The following RGS9 variants were observed in gnomAD, a reference collection of about 807,000 sequenced individuals.
RGS9 encodes the protein regulator of G-protein signalling 9.
RGS9 carries 78 observed loss-of-function variants against 102.0 expected under a neutral mutation model. The ratio of observed to expected loss-of-function variants is 0.76; its 90% CI spans 0.64 to 0.92. RGS9 has a LOEUF of 0.92. RGS9 is among the 40% of genes least tolerant of loss of function. The probability of loss-of-function intolerance (pLI) is 0.00; values close to 1 mark genes in which losing one functional copy is unlikely to be tolerated. For synonymous variants in RGS9, 353 were observed against 318.6 expected (o/e 1.11, Z -1.15); for missense variants, 833 against 866.1 (o/e 0.96, Z 0.48).
rs775975582 is a variant in RGS9, at chr17:65,193,581, C to T, written c.785C>T (p.Ala262Val). ...KYSEQFSSND[A>V]IMSGCLPSNP... ...AGTGAGCAGTTCTCATCCAACGATG[C>T]CATCATGTCAGGCTGCCTCCCCAGC... The change falls in exon 12 of 19, where the codon GCC (alanine) becomes GTC (valine). Residue 262 changes from alanine (A) to valine (V), a missense_variant. Ala to Val is a moderately conservative substitution (Grantham distance 64). Around this residue, in one of 3 missense-constraint regions of RGS9, gnomAD observed 328 missense variants for 340.6 expected, o/e 0.96. Transcript: ENST00000262406. 15 of 1,613,616 alleles carry T rather than the reference C, an allele frequency of 9.3e-6. No homozygotes were observed. The highest frequency in any genetic ancestry group is 1.2e-5 in the Non-Finnish European group (14 of 1,179,686).
chr17:65,170,935 A>C (rs1911393416), intron 8 of RGS9, among the ~76,000 whole-genome samples: 2 of 152,184 alleles, frequency 1.3e-5, no homozygotes, highest in Admixed American at 6.5e-5. Flanking sequence ...TTTGAAGAGC[A>C]TCTCAGTCTA....
At chr17:65,171,900 A>G (rs1911435138) in intron 8 of RGS9, among the ~76,000 whole-genome samples, 1 of 152,240 alleles carries the variant, frequency 6.6e-6, no homozygotes, top group Admixed American at 6.5e-5. Context: ...CCTTCCCTGC[A>G]TCTTTGCTGT....
intron 17 of RGS9, among the ~76,000 whole-genome samples, chr17:65,224,357 CCCAGCCTGGCCTGGTT>C (rs143579519): frequency 0.087 from 13,195 of 152,176 alleles, 793 homozygotes; most frequent in African/African-American, 0.15. Context: ...TTTCCTTCTC[CCCAGCCTGGCCTGGTT>C]CCACATTCAA....
At chr17:65,174,501 G>A (rs1359047771) in intron 8 of RGS9, among the ~76,000 whole-genome samples, 1 of 152,080 alleles carries the variant, frequency 6.6e-6, no homozygotes. Context: ...AGGTGTGCAT[G>A]TATGTGAGAA....
intron 6 of RGS9, among the ~76,000 whole-genome samples, chr17:65,161,377 G>A (rs1458915645): frequency 2.6e-5 from 4 of 152,092 alleles, no homozygotes; most frequent in Non-Finnish European, 5.9e-5. Context: ...TTAGCCTCCC[G>A]AGTAGCTGGG....
intron 8 of RGS9, among the ~76,000 whole-genome samples, chr17:65,172,021 A>G (rs2144023475): frequency 6.6e-6 from 1 of 152,332 alleles, no homozygotes; most frequent in Non-Finnish European, 1.5e-5. Context: ...CCACATATGC[A>G]GACACTTGCC....
Position 65,225,293 on chromosome 17 carries a change from C to G in RGS9, c.1699C>G (p.Arg567Gly). 1 of 1,608,772 alleles carries G rather than the reference C, an allele frequency of 6.2e-7. No individual in the cohort carries two copies. The highest frequency in any genetic ancestry group is 8.5e-7 in the Non-Finnish European group (1 of 1,179,818). Residue 567 changes from arginine to glycine, a missense_variant, in exon 18 of 19, where the codon CGC becomes GGC. By Grantham distance (125) the Arg-to-Gly change is moderately radical. This residue lies in a region of RGS9 where 320 missense variants were observed against 276.8 expected (regional missense o/e 1.16). Coordinates refer to ENST00000262406, the MANE Select transcript of RGS9 (RefSeq NM_003835.4). ...SEASLDTSWP[R>G]SRPRAPPKAR... is the part of the protein sequence containing the mutation. ...GGCCTCCCTCGACACCTCCTGGCCT[C>G]GCAGCCGGCCCAGGGCCCCTCCTAA... is the stretch of plus-strand genomic sequence containing the variant.
intron 8 of RGS9, among the ~76,000 whole-genome samples, chr17:65,170,026 A>G (rs576264985): frequency 1.3e-3 from 187 of 148,078 alleles, no homozygotes; most frequent in African/African-American, 4.3e-3. Context: ...TGTGCTGGGC[A>G]CTGTGCTAAG....
chr17:65,166,714 G>A (rs1003182181), intron 7 of RGS9, among the ~76,000 whole-genome samples: 2 of 152,224 alleles, frequency 1.3e-5, no homozygotes, highest in African/African-American at 4.8e-5. Context: ...ATCAGAGAGT[G>A]ACTCTATTTA....
At chr17:65,157,503 G>A (rs1345294537) in intron 2 of RGS9, among the ~76,000 whole-genome samples, 1 of 151,856 alleles carries the variant, frequency 6.6e-6, no homozygotes, top group East Asian at 1.9e-4. Flanking sequence ...TGGGTGGGAC[G>A]GGTGTACGGG....
intron 18 of RGS9, 187 bp downstream of exon 18, chr17:65,225,673 C>G (rs532555181): frequency 2.6e-5 from 19 of 733,304 alleles, no homozygotes; most frequent in Non-Finnish European, 3.6e-5. Context: ...GCTGTCCTCC[C>G]GAGGGAGAAG....
chr17:65,196,696 G>A (rs956856814), intron 12 of RGS9, among the ~76,000 whole-genome samples: 7 of 150,496 alleles, frequency 4.7e-5, no homozygotes, highest in Non-Finnish European at 9.0e-5. Flanking sequence ...AGCTGTCGTG[G>A]GTGATAGGCA....
chr17:65,172,486 C>T (rs139578540), intron 8 of RGS9, among the ~76,000 whole-genome samples: 50 of 152,178 alleles, frequency 3.3e-4, no homozygotes, highest in Non-Finnish European at 4.3e-4. Context: ...GCCACTGTGG[C>T]GGCCTGACAC....
At chr17:65,217,133 G>A (rs922780521) in intron 17 of RGS9, among the ~76,000 whole-genome samples, 1 of 152,188 alleles carries the variant, frequency 6.6e-6, no homozygotes, top group Non-Finnish European at 1.5e-5. Context: ...GTGGCCAGCA[G>A]CGTTGAGCAG....
At chr17:65,176,506 G>T (rs73347619) in intron 8 of RGS9, among the ~76,000 whole-genome samples, 4,148 of 152,234 alleles carry the variant, frequency 0.027, 201 homozygotes, top group African/African-American at 0.095. Context: ...GCACCCAGAC[G>T]TGCCTGACAA....
chr17:65,201,401 G>A (rs1421520307), intron 13 of RGS9, among the ~76,000 whole-genome samples: 1 of 152,144 alleles, frequency 6.6e-6, no homozygotes, highest in Non-Finnish European at 1.5e-5. Flanking sequence ...TGTAAGAACC[G>A]TTGGCCTGGA....
At chr17:65,160,659 T>A (rs543654318) in intron 5 of RGS9, 72 bp downstream of exon 5, 3 of 1,549,654 alleles carry the variant, frequency 1.9e-6, no homozygotes, top group Non-Finnish European at 2.7e-6. Context: ...TGCACTTTGG[T>A]GACATTTGTC....
At chr17:65,141,064 C>T (rs1297313543) in intron 1 of RGS9, among the ~76,000 whole-genome samples, 1 of 152,182 alleles carries the variant, frequency 6.6e-6, no homozygotes, top group Non-Finnish European at 1.5e-5. Context: ...TGTGCGATTC[C>T]CGAGGTTCTC....
At chr17:65,184,863 C>A (rs559846904) in intron 9 of RGS9, among the ~76,000 whole-genome samples, 4 of 147,964 alleles carry the variant, frequency 2.7e-5, no homozygotes, top group African/African-American at 1.0e-4. Flanking sequence ...CTCACTGTCT[C>A]TCTCTCTCTC....
Sources: gnomAD v4.1 joint callset for allele counts (sites outside exome capture counted in the v4.1 genomes callset) on GRCh38, gnomAD v4.1.1 for gene constraint, gnomAD v4.1.1 regional missense constraint, MANE v1.5 for transcripts, NCBI Gene and HGNC (gene_info 2026-07-23, HGNC 2026-07-21) for gene names.